Variants in CTBP2 observed in about 807,000 individuals in gnomAD.
The protein encoded by CTBP2 is C-terminal binding protein 2.
Under a neutral mutation model 80.3 loss-of-function variants are expected in CTBP2, and 30 were observed. The observed-to-expected ratio is 0.37, with a 90% CI of 0.28 to 0.51. The LOEUF (loss-of-function observed/expected upper bound fraction) is 0.51. CTBP2 is among the 20% of genes least tolerant of loss of function. The pLI, the probability that CTBP2 is intolerant of heterozygous loss-of-function variation, is 0.93. For missense variants in CTBP2, 1,212 were observed against 1,375.3 expected (o/e 0.88, Z 1.88); for synonymous variants, 594 against 587.4 (o/e 1.01, Z -0.16).
At chr10:125,020,430 CTT>C (rs1198982615) in intron 1 of CTBP2, among the ~76,000 whole-genome samples, 1 of 152,198 alleles carries the variant, frequency 6.6e-6, no homozygotes, top group African/African-American at 2.4e-5. Context: ...TGTGGAACTG[CTT>C]TCTAAACCAG....
chr10:125,003,935 T>G (rs1590000277), intron 1 of CTBP2, among the ~76,000 whole-genome samples: 4 of 152,172 alleles, frequency 2.6e-5, no homozygotes, highest in Admixed American at 2.6e-4. Flanking sequence ...GGCAGGCTCC[T>G]CCAGCCCCTC....
intron 1 of CTBP2, among the ~76,000 whole-genome samples, chr10:125,149,221 G>A (rs922708027): frequency 3.9e-5 from 6 of 152,132 alleles, no homozygotes; most frequent in East Asian, 1.9e-4. Flanking sequence ...CCTGCACGCC[G>A]CAGTCATTCT....
rs1358747877 is a variant in CTBP2 at position 124,985,651 on chromosome 10, A to G, written c.*3867T>C. The G allele has an allele frequency of 1.8e-5, 1 of 54,746 alleles. No individual in the cohort carries two copies. Among genetic ancestry groups the G allele is most frequent in the East Asian group, 1.9e-3 (1 of 522 alleles). 3.4% of individuals were successfully genotyped at this position (54,746 alleles called of 1,614,324 possible). ...TTTGAAGAGGGTTTTGGTTTTGGTT[A>G]TTGTGTCTTTAAGTTTTCTGATATG... On this transcript the variant is annotated 3_prime_UTR_variant, in exon 9 of 9. Coordinates refer to ENST00000309035, the MANE Select transcript of CTBP2 (RefSeq NM_022802.3).
At chr10:125,127,629 T>C (rs1039258198) in intron 1 of CTBP2, among the ~76,000 whole-genome samples, 1 of 152,102 alleles carries the variant, frequency 6.6e-6, no homozygotes, top group Non-Finnish European at 1.5e-5. Flanking sequence ...TCTGACTCTT[T>C]CCAGCAATCT....
At position 125,013,413 on chromosome 10, in the gene CTBP2, G is replaced by C. The variant is rs182513887; in HGVS notation, c.1679-9921C>G. Among the ~76,000 whole-genome samples the C allele has an allele frequency of 3.0e-3, 453 of 152,302 alleles. 1 individual carries two copies. The highest frequency in any genetic ancestry group is 4.9e-3 in the Non-Finnish European group (331 of 68,030). On this transcript the variant is annotated intron_variant, in intron 1 of 8. Transcript: ENST00000309035. ...CCGAAGTTGTAAAATAGTCTCGTGC[G>C]GGCACCGCTGCCGTCAGCCTCTTTT...
chr10:125,027,070 C>CG lies in CTBP2; in HGVS notation c.689dup (p.Cys231ValfsTer46). ...CTGAACTGGGGTCCACAACCAGGCA[C>CG]GTCGGGGCCACCTGTCTGGCAGGGG... On this transcript the variant is annotated frameshift_variant, in exon 1 of 9. Coordinates refer to ENST00000309035, the MANE Select transcript of CTBP2 (RefSeq NM_022802.3). LOFTEE classifies it high-confidence loss of function. 1 of 1,612,298 alleles carries CG rather than the reference C, an allele frequency of 6.2e-7. No homozygotes were observed. Among genetic ancestry groups the CG allele is most frequent in the Non-Finnish European group, 8.5e-7 (1 of 1,178,868 alleles).
At chr10:125,019,577 G>T (rs1470480058) in intron 1 of CTBP2, among the ~76,000 whole-genome samples, 3 of 152,118 alleles carry the variant, frequency 2.0e-5, no homozygotes, top group Non-Finnish European at 2.9e-5. Context: ...GCTCTCCACA[G>T]CTCAGCTTCT....
chr10:124,987,050 G>C lies in CTBP2; in HGVS notation c.*2468C>G, dbSNP rs1589862445. ...TTCTTCCCTGTGGGAAAGAATTAAA[G>C]ATGGTTCCATTTCCTAGGCTACAGA... On this transcript the variant is annotated 3_prime_UTR_variant, in exon 9 of 9. Coordinates refer to ENST00000309035, the MANE Select transcript of CTBP2 (RefSeq NM_022802.3). 6.5e-6 allele frequency: 1 copy of C among 152,694 alleles called. No individual in the cohort carries two copies. The highest frequency in any genetic ancestry group is 2.1e-4 in the South Asian group (1 of 4,822). 9.5% of individuals were successfully genotyped at this position (152,694 alleles called of 1,614,324 possible).
chr10:125,006,995 C>T (rs1955326155), intron 1 of CTBP2, among the ~76,000 whole-genome samples: 1 of 152,266 alleles, frequency 6.6e-6, no homozygotes, highest in Non-Finnish European at 1.5e-5. Flanking sequence ...GGAGTCAGCG[C>T]TCAGGGTGGC....
At chr10:125,144,844 A>G (rs1468758028) in intron 1 of CTBP2, among the ~76,000 whole-genome samples, 1 of 152,206 alleles carries the variant, frequency 6.6e-6, no homozygotes, top group Non-Finnish European at 1.5e-5. Context: ...CTGCAAAACC[A>G]ATTTCTTTTC....
Position 124,987,948 on chromosome 10 carries a change from T to TTTTG in CTBP2, c.*1566_*1569dup, listed in dbSNP as rs1336850620. The TTTTG allele has an allele frequency of 5.2e-5, 8 of 152,504 alleles. No individual in the cohort carries two copies. Among genetic ancestry groups the TTTTG allele is most frequent in the African/African-American group, 1.2e-4 (5 of 41,452 alleles). 9.4% of individuals were successfully genotyped at this position (152,504 alleles called of 1,614,324 possible). On this transcript the variant is annotated 3_prime_UTR_variant, in exon 9 of 9. Coordinates refer to ENST00000309035, the MANE Select transcript of CTBP2 (RefSeq NM_022802.3). ...TTGCAACACTTCTTTGTAAATATCA[T>TTTTG]TTTGTTTGTTAGGTTATTGGCAAAA...
chr10:125,020,656 C>T (rs899272097), intron 1 of CTBP2, among the ~76,000 whole-genome samples: 5 of 152,182 alleles, frequency 3.3e-5, no homozygotes, highest in African/African-American at 1.2e-4. Flanking sequence ...GAGTCCTGCA[C>T]CACGCCCGGC....
intron 1 of CTBP2, among the ~76,000 whole-genome samples, chr10:125,006,273 C>G (rs982714040): frequency 3.4e-5 from 5 of 145,360 alleles, no homozygotes; most frequent in Non-Finnish European, 7.5e-5. Flanking sequence ...GGTTCTCATG[C>G]TGGGAAAAGA....
At chr10:125,006,068 C>T (rs1170508058) in intron 1 of CTBP2, 4 of 1,286,620 alleles carry the variant, frequency 3.1e-6, no homozygotes, top group South Asian at 1.8e-5. Context: ...GGGTAACAAA[C>T]TCCAGGTTGC....
chr10:125,073,481 T>C (rs1465226874), intron 2 of CTBP2, among the ~76,000 whole-genome samples: 1 of 152,242 alleles, frequency 6.6e-6, no homozygotes, highest in Non-Finnish European at 1.5e-5. Flanking sequence ...CCTCAAGTGA[T>C]CCGCCCGCCT....
At chr10:125,061,676 A>C (rs1590425489) in intron 2 of CTBP2, among the ~76,000 whole-genome samples, 1 of 152,244 alleles carries the variant, frequency 6.6e-6, no homozygotes, top group Non-Finnish European at 1.5e-5. Context: ...AGCTGGTACC[A>C]CAGGCCAGAC....
chr10:125,027,612 A>C lies in CTBP2; in HGVS notation c.148T>G (p.Trp50Gly). 2 of 1,614,050 alleles carry C rather than the reference A, an allele frequency of 1.2e-6. No homozygotes were observed. The highest frequency in any genetic ancestry group is 2.2e-5 in the South Asian group (2 of 91,068). Reference sequence around the variant, plus strand: ...TGTGGTCGGTGGTTTGGCTCAAACCAAGTCCCCTCTGCTGTGCCATACGTC... The same window carrying C: ...TGTGGTCGGTGGTTTGGCTCAAACCCAGTCCCCTCTGCTGTGCCATACGTC... Residue 50 changes from tryptophan to glycine, a missense_variant, in exon 1 of 9, where the codon TGG becomes GGG. By Grantham distance (184) the Trp-to-Gly change is radical. Around this residue, in one of 3 missense-constraint regions of CTBP2, gnomAD observed 848 missense variants for 782.3 expected, o/e 1.08. Transcript: ENST00000309035.
intron 1 of CTBP2, among the ~76,000 whole-genome samples, chr10:125,006,443 C>A (rs1013538483): frequency 1.3e-5 from 2 of 152,172 alleles, no homozygotes; most frequent in African/African-American, 4.8e-5. Context: ...AGGGAAAGCA[C>A]CATCTTCCAA....
At chr10:125,103,416 C>A (rs1425512237) in intron 2 of CTBP2, among the ~76,000 whole-genome samples, 1 of 152,192 alleles carries the variant, frequency 6.6e-6, no homozygotes, top group Non-Finnish European at 1.5e-5. Flanking sequence ...AGTTCGTAGT[C>A]AGAGTCCTGC....
Sources: allele counts gnomAD v4.1 joint callset (sites outside exome capture counted in the v4.1 genomes callset), GRCh38; gene constraint gnomAD v4.1.1; regional missense constraint gnomAD v4.1.1; transcripts MANE v1.5; gene names NCBI Gene and HGNC (gene_info 2026-07-23, HGNC 2026-07-21).